The following ACTR3C variants were observed in gnomAD, a reference collection of about 807,000 sequenced individuals.
ACTR3C encodes actin-related protein 3C.
A neutral mutation model predicts 26.3 loss-of-function variants in ACTR3C; 18 were observed. The observed-to-expected ratio is 0.68, with a 90% CI of 0.47 to 1.01. The LOEUF (loss-of-function observed/expected upper bound fraction) is 1.01, where lower values mean the gene tolerates loss of function less well. ACTR3C is among the 50% of genes least tolerant of loss of function. The pLI is 0.00. For synonymous variants in ACTR3C, 55 were observed against 94.5 expected (o/e 0.58, Z 2.42); for missense variants, 184 against 250.7 (o/e 0.73, Z 1.80).
chr7:150,265,328 T>C (rs1469224113), intron 6 of ACTR3C, among the ~76,000 whole-genome samples: 1 of 151,724 alleles, frequency 6.6e-6, no homozygotes, highest in African/African-American at 2.4e-5. Flanking sequence ...TCCACTTTTA[T>C]GTAAAAGGCA....
chr7:150,261,911 C>G (rs1165221984), intron 6 of ACTR3C, among the ~76,000 whole-genome samples: 1 of 151,574 alleles, frequency 6.6e-6, no homozygotes, highest in East Asian at 1.9e-4. Context: ...AGTGCACAGT[C>G]TGAAAGCTGG....
chr7:150,035,630 C>A, the ACTR3C span, among the ~76,000 whole-genome samples: 24 of 134,310 alleles, frequency 1.8e-4, no homozygotes, highest in African/African-American at 5.3e-4. Context: ...AAGATTTGAA[C>A]TTTCTACTTG....
chr7:150,274,166 G>A lies in ACTR3C; in HGVS notation c.564+10587C>T, dbSNP rs1236748180. Among the ~76,000 whole-genome samples, 6 of 152,120 alleles carry A rather than the reference G, an allele frequency of 3.9e-5. No individual in the cohort carries two copies. The highest frequency in any genetic ancestry group is 7.3e-5 in the African/African-American group (3 of 41,378). On this transcript the variant is annotated intron_variant, in intron 6 of 7. Transcript: ENST00000683684. The surrounding 1 kb of genome is among the most constrained non-coding windows in gnomAD (Gnocchi z 4.1). ...GCAAAATGACGTGGGAAAAAGCGCC[G>A]AGGTGCAGTCTAGAGCAGGGTGGTC...
intron 5 of ACTR3C, among the ~76,000 whole-genome samples, chr7:150,285,928 C>T (rs560059201): frequency 1.4e-4 from 21 of 152,248 alleles, no homozygotes; most frequent in African/African-American, 4.1e-4. Context: ...CAGCAGGGAA[C>T]AGAGCAGGAC....
At chr7:150,291,282 A>G (rs1174798064) in intron 3 of ACTR3C, among the ~76,000 whole-genome samples, 1 of 152,186 alleles carries the variant, frequency 6.6e-6, no homozygotes, top group Non-Finnish European at 1.5e-5. Context: ...AATACAAATT[A>G]GTCAGGCATG....
chr7:150,287,103 A>C (rs1334094512), intron 4 of ACTR3C, among the ~76,000 whole-genome samples: 1 of 151,912 alleles, frequency 6.6e-6, no homozygotes, highest in Non-Finnish European at 1.5e-5. Flanking sequence ...CTCCACTGAC[A>C]CCATCTCTTT....
the ACTR3C span, among the ~76,000 whole-genome samples, chr7:149,899,921 G>T: frequency 7.5e-6 from 1 of 133,132 alleles, no homozygotes; most frequent in Non-Finnish European, 1.6e-5. Flanking sequence ...AAAAAATTCA[G>T]CTTCCAAGGA....
chr7:150,142,094 A>G, the ACTR3C span, among the ~76,000 whole-genome samples: 2 of 152,230 alleles, frequency 1.3e-5, no homozygotes, highest in African/African-American at 2.4e-5. Context: ...AAAAGAAATC[A>G]GGCTGCAGAC....
At chr7:150,107,032 T>C in the ACTR3C span, among the ~76,000 whole-genome samples, 3 of 144,920 alleles carry the variant, frequency 2.1e-5, no homozygotes, top group Non-Finnish European at 3.0e-5. Context: ...TTATGATTTC[T>C]AGCCTTGGTT....
At chr7:150,266,267 G>C (rs1200489836) in intron 6 of ACTR3C, among the ~76,000 whole-genome samples, 1 of 146,452 alleles carries the variant, frequency 6.8e-6, no homozygotes, top group Non-Finnish European at 1.5e-5. Flanking sequence ...CATACAAACA[G>C]TGCTATGCAT....
chr7:150,201,114 G>C, the ACTR3C span, among the ~76,000 whole-genome samples: 7 of 152,266 alleles, frequency 4.6e-5, no homozygotes, highest in African/African-American at 1.7e-4. Flanking sequence ...TGCAACCCTA[G>C]TTCCATTATC....
At chr7:150,305,588 T>C (rs1795750657) in intron 1 of ACTR3C, among the ~76,000 whole-genome samples, 1 of 152,208 alleles carries the variant, frequency 6.6e-6, no homozygotes. Context: ...TTGTTTGCTC[T>C]TGCAGGATTT....
chr7:149,910,219 TG>T, the ACTR3C span, among the ~76,000 whole-genome samples: 46,548 of 143,218 alleles, frequency 0.33, 7,376 homozygotes, highest in East Asian at 0.45. Flanking sequence ...CTTTGCGGGG[TG>T]GGGGGCGGCG....
chr7:150,003,488 G>A, the ACTR3C span, among the ~76,000 whole-genome samples: 1 of 150,732 alleles, frequency 6.6e-6, no homozygotes, highest in African/African-American at 2.4e-5. Context: ...GTATGATGTG[G>A]TATGTAGGAT....
chr7:150,186,304 C>A, the ACTR3C span, among the ~76,000 whole-genome samples: 2 of 152,154 alleles, frequency 1.3e-5, no homozygotes, highest in Admixed American at 1.3e-4. Flanking sequence ...AAATTTATCA[C>A]GGCAAACACA....
chr7:150,126,741 T>C, the ACTR3C span, among the ~76,000 whole-genome samples: 22 of 152,338 alleles, frequency 1.4e-4, no homozygotes, highest in Non-Finnish European at 3.1e-4. Context: ...GGCTCCAATG[T>C]GCCCAATCCT....
chr7:149,913,614 G>A, the ACTR3C span, among the ~76,000 whole-genome samples: 310 of 148,628 alleles, frequency 2.1e-3, no homozygotes, highest in African/African-American at 7.2e-3. Flanking sequence ...GGCCGTGCGC[G>A]ATTCACTAAA....
At chr7:150,164,574 G>T in the ACTR3C span, among the ~76,000 whole-genome samples, 2 of 151,864 alleles carry the variant, frequency 1.3e-5, no homozygotes, top group Non-Finnish European at 2.9e-5. Context: ...ATAGGCAAGG[G>T]AATTGGAGGC....
the ACTR3C span, among the ~76,000 whole-genome samples, chr7:150,165,064 G>C: frequency 2.0e-5 from 3 of 152,148 alleles, no homozygotes; most frequent in Non-Finnish European, 4.4e-5. Flanking sequence ...TTAAATTTAG[G>C]TGTGCCGCAC....
Sources: gnomAD v4.1 joint callset for allele counts (sites outside exome capture counted in the v4.1 genomes callset) on GRCh38, gnomAD v4.1.1 for gene constraint, Gnocchi (gnomAD v3.1) non-coding constraint, MANE v1.5 for transcripts, NCBI Gene and HGNC (gene_info 2026-07-23, HGNC 2026-07-21) for gene names.